Variants in ALKBH3 observed in about 807,000 individuals in gnomAD.
The protein encoded by ALKBH3 is alkB homolog 3, alpha-ketoglutarate dependent dioxygenase.
ALKBH3 carries 51 observed loss-of-function variants against 43.9 expected under a neutral mutation model. The observed-to-expected ratio is 1.16, with a 90% CI of 0.93 to 1.47. The LOEUF (loss-of-function observed/expected upper bound fraction) is 1.47. Among genes scored for constraint, ALKBH3 ranks in the 40% most tolerant of loss-of-function variants. The pLI is 0.00. For missense variants in ALKBH3, 361 were observed against 351.9 expected, an observed-to-expected ratio of 1.03 and a Z score of -0.21; for synonymous variants, 102 against 115.2, an observed-to-expected ratio of 0.89 and a Z score of 0.73.
At chr11:43,913,584 C>T (rs571021097) in intron 8 of ALKBH3, among the ~76,000 whole-genome samples, 1 of 152,340 alleles carries the variant, frequency 6.6e-6, no homozygotes, top group East Asian at 1.9e-4. Flanking sequence ...CCCACAGTTT[C>T]TACCTCTAGA....
At position 43,883,109 on chromosome 11, in the gene ALKBH3, A is replaced by C; in HGVS notation, c.104A>C (p.His35Pro). ...GCTACCACTGCTAAGAGCCATCTCCACCAGAAGCCTGGCCAGACCTGGAAG... is the reference window on the plus strand; with the variant it reads ...GCTACCACTGCTAAGAGCCATCTCCCCCAGAAGCCTGGCCAGACCTGGAAG... ...QPATTAKSHL[H>P]QKPGQTWKNK... is the part of the protein sequence containing the mutation. The change falls in exon 3 of 10, where the codon CAC becomes CCC. Residue 35 changes from histidine to proline, a missense_variant. Coordinates refer to ENST00000302708, the MANE Select transcript of ALKBH3 (RefSeq NM_139178.4). 6.2e-7 allele frequency: 1 copy of C among 1,614,054 alleles called. No homozygotes were observed. Among genetic ancestry groups the C allele is most frequent in the Non-Finnish European group, 8.5e-7 (1 of 1,180,000 alleles).
rs35829348 is a variant in ALKBH3 at position 43,884,057 on chromosome 11, T to TG, written c.218+41dup. 1,646 of 1,611,274 alleles carry TG rather than the reference T, an allele frequency of 1.0e-3. 13 individuals carry two copies. The African/African-American group carries it at 0.019, about 19-fold the overall frequency. Reference sequence around the variant, plus strand: ...GTCTTCCTGTAATTGTTGCCCACAGTGAAATGAAGAGCCTGGAATCTTTCC... The same window carrying TG: ...GTCTTCCTGTAATTGTTGCCCACAGTGGAAATGAAGAGCCTGGAATCTTTCC... On this transcript the variant is annotated intron_variant, in intron 4 of 9. Coordinates refer to ENST00000302708, the MANE Select transcript of ALKBH3 (RefSeq NM_139178.4).
At chr11:43,906,998 CTT>C (rs1041564795) in intron 8 of ALKBH3, among the ~76,000 whole-genome samples, 17 of 152,232 alleles carry the variant, frequency 1.1e-4, no homozygotes, top group Admixed American at 9.8e-4. Flanking sequence ...GCTATGGTGA[CTT>C]TTCAGATATG....
intron 8 of ALKBH3, among the ~76,000 whole-genome samples, chr11:43,916,409 C>A (rs35461256): frequency 0.038 from 5,838 of 152,198 alleles, 366 homozygotes; most frequent in African/African-American, 0.13. Context: ...TCGCTTTTTC[C>A]ATGTACTCGT....
chr11:43,887,063 G>A (rs970982731), intron 5 of ALKBH3, among the ~76,000 whole-genome samples: 2 of 152,024 alleles, frequency 1.3e-5, no homozygotes, highest in East Asian at 1.9e-4. Context: ...TGACAAAAGC[G>A]TACCTATATA....
At chr11:43,913,253 A>G (rs945713075) in intron 8 of ALKBH3, among the ~76,000 whole-genome samples, 1 of 151,840 alleles carries the variant, frequency 6.6e-6, no homozygotes, top group African/African-American at 2.4e-5. Context: ...TATATAGGTA[A>G]CTTGTCTGTC....
chr11:43,889,722 C>T lies in ALKBH3; in HGVS notation c.267-3C>T, dbSNP rs1951770198. 1 of 1,613,558 alleles carries T rather than the reference C, an allele frequency of 6.2e-7. No homozygotes were observed. The highest frequency in any genetic ancestry group is 8.5e-7 in the Non-Finnish European group (1 of 1,179,560). On this transcript the variant is annotated splice_region_variant and splice_polypyrimidine_tract_variant and intron_variant, in intron 5 of 9. Transcript: ENST00000302708. The stretch of plus-strand genomic sequence containing the variant: ...TGGTTAACAATGTTCATTCTGCACC[C>T]AGGGTCTGTTTGTATCCTGGCTTTG...
In ALKBH3 at chr11:43,892,055, C is replaced by T. The variant is rs756023889; in HGVS notation, c.385C>T (p.Gln129Ter). Reference sequence around the variant, plus strand: ...TTCTTTCTTAGATATAACTTATCAGCAACCAAGACTTACAGCATGGTATGG... The same window carrying T: ...TTCTTTCTTAGATATAACTTATCAGTAACCAAGACTTACAGCATGGTATGG... ...TGIREDITYQ[Q>*]PRLTAWYGEL... The change falls in exon 7 of 10, where the codon CAA becomes TAA. Residue 129 changes from glutamine (Q) to a stop codon, truncating the protein, a stop_gained. Coordinates refer to ENST00000302708, the MANE Select transcript of ALKBH3 (RefSeq NM_139178.4). LOFTEE classifies it high-confidence loss of function. 1 of 1,612,954 alleles carries T rather than the reference C, an allele frequency of 6.2e-7. No homozygotes were observed. The highest frequency in any genetic ancestry group is 1.3e-5 in the African/African-American group (1 of 75,016).
intron 8 of ALKBH3, among the ~76,000 whole-genome samples, chr11:43,902,118 G>A (rs1408013603): frequency 6.6e-6 from 1 of 152,196 alleles, no homozygotes; most frequent in African/African-American, 2.4e-5. Context: ...GAGGAAGGAG[G>A]CTAAGGAGGA....
At chr11:43,891,236 T>A (rs1951781665) in intron 6 of ALKBH3, among the ~76,000 whole-genome samples, 1 of 152,218 alleles carries the variant, frequency 6.6e-6, no homozygotes, top group South Asian at 2.1e-4. Flanking sequence ...CAGACATGGC[T>A]TTGATTGTTG....
chr11:43,914,018 C>T (rs578066324), intron 8 of ALKBH3, among the ~76,000 whole-genome samples: 29 of 152,322 alleles, frequency 1.9e-4, no homozygotes, highest in African/African-American at 6.3e-4. Context: ...TCTGCAGGCC[C>T]CTGGTTCTGC....
chr11:43,904,448 GAATATT>G (rs200433601), intron 8 of ALKBH3, among the ~76,000 whole-genome samples: 3,264 of 152,278 alleles, frequency 0.021, 52 homozygotes, highest in Non-Finnish European at 0.034. Context: ...TTGGGAAATT[GAATATT>G]AATATGTTTG....
chr11:43,907,982 G>A (rs1219141320), intron 8 of ALKBH3, among the ~76,000 whole-genome samples: 1 of 152,166 alleles, frequency 6.6e-6, no homozygotes, highest in Non-Finnish European at 1.5e-5. Flanking sequence ...ATATACCTTG[G>A]GACCAAGGTA....
At chr11:43,883,238 G>A (rs1212666122) in intron 3 of ALKBH3, 50 bp downstream of exon 3, 2 of 1,395,434 alleles carry the variant, frequency 1.4e-6, no homozygotes, top group African/African-American at 2.8e-5. Flanking sequence ...GCTTAGAAAA[G>A]TGATATTCAC....
intron 7 of ALKBH3, among the ~76,000 whole-genome samples, chr11:43,899,980 G>A (rs1951850092): frequency 1.3e-5 from 2 of 151,156 alleles, no homozygotes; most frequent in African/African-American, 4.9e-5. Context: ...CCTATGTGAA[G>A]CCAATTTCCT....
intron 8 of ALKBH3, among the ~76,000 whole-genome samples, chr11:43,905,603 T>C (rs968478275): frequency 6.6e-6 from 1 of 152,222 alleles, no homozygotes; most frequent in African/African-American, 2.4e-5. Context: ...GATTCCTTTT[T>C]TGTTTAGTTC....
intron 3 of ALKBH3, 40 bp from the exon 4 acceptor site, chr11:43,883,943 A>G (rs575355777): frequency 1.9e-6 from 3 of 1,611,398 alleles, no homozygotes; most frequent in South Asian, 2.2e-5. Context: ...CTTGAGGATT[A>G]AGAACATCCC....
intron 4 of ALKBH3, 46 bp from the exon 5 acceptor site, chr11:43,886,560 A>G: frequency 6.3e-7 from 1 of 1,596,184 alleles, no homozygotes; most frequent in Non-Finnish European, 8.6e-7. Context: ...GGTATAGCAT[A>G]TTGTTTTGCC....
Position 43,884,000 on chromosome 11 carries a change from T to C in ALKBH3, c.201T>C (p.Pro67=), listed in dbSNP as rs2135175274. Residue 67 remains proline (P), a synonymous_variant, in exon 4 of 10, where the codon CCT becomes CCC. Coordinates refer to ENST00000302708, the MANE Select transcript of ALKBH3 (RefSeq NM_139178.4). ...KEPQQVVRRA[P]EPRVIDREGV... is the part of the protein sequence containing the mutation. Reference sequence around the variant, plus strand: ...CCTTGCAGGTAGTACGTAGAGCTCCTGAGCCACGAGTGATTGAGTAAGTAA... The same window carrying C: ...CCTTGCAGGTAGTACGTAGAGCTCCCGAGCCACGAGTGATTGAGTAAGTAA... 1 of 1,613,990 alleles carries C rather than the reference T, an allele frequency of 6.2e-7. No homozygotes were observed. The highest frequency in any genetic ancestry group is 2.2e-5 in the East Asian group (1 of 44,836).
Sources: allele counts gnomAD v4.1 joint callset (sites outside exome capture counted in the v4.1 genomes callset), GRCh38; gene constraint gnomAD v4.1.1; transcripts MANE v1.5; gene names NCBI Gene and HGNC (gene_info 2026-07-23, HGNC 2026-07-21).